The following COL22A1 variants were observed in gnomAD, a reference collection of about 807,000 sequenced individuals.
The protein encoded by COL22A1 is collagen alpha-1(XXII) chain.
COL22A1 carries 221 observed loss-of-function variants against 248.9 expected under a neutral mutation model. The observed-to-expected ratio is 0.89, with a 90% CI of 0.80 to 0.99. The LOEUF is 0.99. COL22A1 is among the 50% of genes least tolerant of loss of function. The probability of loss-of-function intolerance (pLI) is 0.00; values close to 1 mark genes in which losing one functional copy is unlikely to be tolerated. For missense variants in COL22A1, 2,240 were observed against 2,179.0 expected (o/e 1.03, Z -0.56); for synonymous variants, 891 against 793.4 (o/e 1.12, Z -2.07).
intron 46 of COL22A1, among the ~76,000 whole-genome samples, chr8:138,649,279 A>T (rs544445138): frequency 1.2e-4 from 19 of 152,330 alleles, no homozygotes; most frequent in African/African-American, 4.3e-4. Flanking sequence ...GCATGAATGG[A>T]TGGATCCATT....
At chr8:138,852,026 G>A (rs1158259206) in intron 3 of COL22A1, among the ~76,000 whole-genome samples, 1 of 152,106 alleles carries the variant, frequency 6.6e-6, no homozygotes, top group East Asian at 1.9e-4. Flanking sequence ...GGGGGGATTG[G>A]AGGCAACTAC....
At chr8:138,678,702 T>A (rs1825748176) in intron 40 of COL22A1, among the ~76,000 whole-genome samples, 1 of 152,104 alleles carries the variant, frequency 6.6e-6, no homozygotes, top group African/African-American at 2.4e-5. Context: ...GATTTCAAGC[T>A]GGTAGTCAGG....
intron 35 of COL22A1, among the ~76,000 whole-genome samples, chr8:138,691,744 G>A (rs1182734145): frequency 6.6e-6 from 1 of 151,510 alleles, no homozygotes; most frequent in Non-Finnish European, 1.5e-5. Context: ...GTGCATGTTT[G>A]TGGAGGTGTG....
Position 138,796,833 on chromosome 8 carries a change from C to T in COL22A1, c.1582G>A (p.Glu528Lys). 3 of 1,601,644 alleles carry T rather than the reference C, an allele frequency of 1.9e-6. No individual in the cohort carries two copies. The highest frequency in any genetic ancestry group is 2.6e-6 in the Non-Finnish European group (3 of 1,168,726). ...AAGATGCTTACCTTTTCACCCTTTT[C>T]CCCTTGGCCAAAAGGTCCTATGCCC... ...DVGIGPFGQG[E>K]KGEKGSLGLP... The change falls in exon 12 of 65, where the codon GAA becomes AAA. Residue 528 changes from glutamate to lysine, a missense_variant. Glu to Lys is a moderately conservative substitution (Grantham distance 56). Transcript: ENST00000303045.
rs181600268 is a variant in COL22A1, at chr8:138,681,656, G to A, written c.3013-1980C>T. Among the ~76,000 whole-genome samples the A allele has an allele frequency of 3.1e-3, 470 of 152,172 alleles. 1 individual carries two copies. Among genetic ancestry groups the A allele is most frequent in the Non-Finnish European group, 4.9e-3 (333 of 67,988 alleles). ...GACTGGGCTGTGTGCACCACATCAC[G>A]GGGGAGCCTGCCACGTATCTTCAGA... On this transcript the variant is annotated intron_variant, in intron 39 of 64. Coordinates refer to ENST00000303045, the MANE Select transcript of COL22A1 (RefSeq NM_152888.3).
intron 50 of COL22A1, among the ~76,000 whole-genome samples, chr8:138,630,060 T>A (rs1258284462): frequency 6.6e-6 from 1 of 152,224 alleles, no homozygotes; most frequent in African/African-American, 2.4e-5. Flanking sequence ...ATTCATTTAC[T>A]TGCCATGCAT....
At chr8:138,631,705 C>T (rs1283980828) in intron 49 of COL22A1, among the ~76,000 whole-genome samples, 5 of 151,940 alleles carry the variant, frequency 3.3e-5, no homozygotes, top group African/African-American at 1.2e-4. Context: ...CAGCCTCATA[C>T]CCTCCCATCC....
At chr8:138,659,712 T>A (rs1175039916) in intron 44 of COL22A1, among the ~76,000 whole-genome samples, 2 of 152,272 alleles carry the variant, frequency 1.3e-5, no homozygotes, top group Non-Finnish European at 2.9e-5. Flanking sequence ...TCAGAGGGTG[T>A]CCCAGGAGAT....
chr8:138,625,008 A>G (rs1409218909), intron 51 of COL22A1, among the ~76,000 whole-genome samples: 1 of 152,238 alleles, frequency 6.6e-6, no homozygotes, highest in Non-Finnish European at 1.5e-5. Flanking sequence ...ATTACCAGGC[A>G]TGCTTCAATG....
chr8:138,850,148 C>T (rs896578822), intron 3 of COL22A1, among the ~76,000 whole-genome samples: 2 of 152,150 alleles, frequency 1.3e-5, no homozygotes, highest in Non-Finnish European at 2.9e-5. Context: ...TCCACCTCCA[C>T]CACCTGTTCC....
chr8:138,608,439 C>T lies in COL22A1; in HGVS notation c.3979-450G>A, dbSNP rs946391274. 1.2e-4 allele frequency among the ~76,000 whole-genome samples: 19 copies of T among 152,068 alleles called. 1 individual carries two copies. Among genetic ancestry groups the T allele is most frequent in the Admixed American group, 5.9e-4 (9 of 15,268 alleles). On this transcript the variant is annotated intron_variant, in intron 56 of 64. Coordinates refer to ENST00000303045, the MANE Select transcript of COL22A1 (RefSeq NM_152888.3). ...CATGCACTTATCTCCTTGTACTCCC[C>T]GACTAAGGAGATCATTATACTCTCA...
chr8:138,908,073 C>A (rs1343478895), intron 1 of COL22A1, among the ~76,000 whole-genome samples: 3 of 152,176 alleles, frequency 2.0e-5, no homozygotes, highest in African/African-American at 7.2e-5. Context: ...CTCATTCATG[C>A]CATAAACAAT....
intron 47 of COL22A1, among the ~76,000 whole-genome samples, chr8:138,644,353 T>C (rs1459945204): frequency 6.6e-6 from 1 of 152,156 alleles, no homozygotes; most frequent in Non-Finnish European, 1.5e-5. Context: ...TTCTTAAATT[T>C]TATTCCCAAA....
intron 22 of COL22A1, 67 bp downstream of exon 22, chr8:138,751,391 T>C: frequency 9.1e-7 from 1 of 1,098,210 alleles, no homozygotes. Context: ...CTTCTCTGCA[T>C]GGCATTATAA....
intron 4 of COL22A1, among the ~76,000 whole-genome samples, chr8:138,836,132 G>C (rs763671896): frequency 6.6e-6 from 1 of 152,144 alleles, no homozygotes; most frequent in South Asian, 2.1e-4. Context: ...TTAGCCAGGG[G>C]TGGTAGTGGG....
chr8:138,832,361 T>C (rs1398029947), intron 5 of COL22A1, among the ~76,000 whole-genome samples: 1 of 152,146 alleles, frequency 6.6e-6, no homozygotes, highest in Non-Finnish European at 1.5e-5. Context: ...GAACCCTCTC[T>C]TGGGGTCAGG....
At chr8:138,676,518 G>C in intron 41 of COL22A1, 40 bp downstream of exon 41, 1 of 1,353,200 alleles carries the variant, frequency 7.4e-7, no homozygotes, top group Non-Finnish European at 1.0e-6. Flanking sequence ...ATGGCTGTAT[G>C]TCCTGAAAGC....
intron 60 of COL22A1, among the ~76,000 whole-genome samples, chr8:138,600,830 A>G (rs974387952): frequency 6.6e-6 from 1 of 152,212 alleles, no homozygotes; most frequent in Non-Finnish European, 1.5e-5. Context: ...TCTTGAATTC[A>G]GGGGTCTAGT....
intron 1 of COL22A1, among the ~76,000 whole-genome samples, chr8:138,907,292 T>C (rs979611691): frequency 6.6e-6 from 1 of 152,240 alleles, no homozygotes; most frequent in African/African-American, 2.4e-5. Flanking sequence ...GGGGAGCTTG[T>C]GGGAGGGAGC....
Sources: gnomAD v4.1 joint callset for allele counts (sites outside exome capture counted in the v4.1 genomes callset) on GRCh38, gnomAD v4.1.1 for gene constraint, MANE v1.5 for transcripts, NCBI Gene and HGNC (gene_info 2026-07-23, HGNC 2026-07-21) for gene names.